Variants in GNA15 observed in about 807,000 individuals in gnomAD.
GNA15 encodes the protein guanine nucleotide-binding protein subunit alpha-15.
GNA15 carries 23 observed loss-of-function variants against 40.1 expected under a neutral mutation model. That is an observed-to-expected ratio of 0.57 (90% CI 0.41 to 0.81). The LOEUF is 0.81. Ranked by LOEUF, GNA15 falls within the 40% of genes least tolerant of loss-of-function variation. The pLI, the probability that GNA15 is intolerant of heterozygous loss-of-function variation, is 0.00. For synonymous variants in GNA15, 226 were observed against 210.4 expected (o/e 1.07, Z -0.64); for missense variants, 522 against 515.8 (o/e 1.01, Z -0.12).
chr19:3,153,805 GATGA>G (rs1009640568), intron 4 of GNA15, among the ~76,000 whole-genome samples: 50 of 150,706 alleles, frequency 3.3e-4, no homozygotes, highest in Admixed American at 1.5e-3. Context: ...GCAGGTGATG[GATGA>G]ATGAATGAAT....
chr19:3,154,044 G>T (rs2144857606), intron 4 of GNA15, among the ~76,000 whole-genome samples: 1 of 149,942 alleles, frequency 6.7e-6, no homozygotes, highest in African/African-American at 2.4e-5. Flanking sequence ...TGAGTAAATG[G>T]GTGGACAGGC....
chr19:3,160,594 G>A (rs1294529072), intron 6 of GNA15, among the ~76,000 whole-genome samples: 1 of 152,216 alleles, frequency 6.6e-6, no homozygotes, highest in Non-Finnish European at 1.5e-5. Flanking sequence ...AGGGAGGGAA[G>A]GAAGTGACGG....
At chr19:3,162,318 T>C (rs956147684) in intron 6 of GNA15, among the ~76,000 whole-genome samples, 1 of 151,310 alleles carries the variant, frequency 6.6e-6, no homozygotes, top group African/African-American at 2.4e-5. Flanking sequence ...CAGGCGCCTG[T>C]AATCCCAGCT....
rs1450967085 is a variant in GNA15 at position 3,163,055 on chromosome 19, C to G, written c.*36C>G. ...ACCTGGGGCAGGCGGCACCGGCGGG[C>G]GGGTGGGAGGTGGGAGTGGCTGCAG... On this transcript the variant is annotated 3_prime_UTR_variant, in exon 7 of 7. Coordinates refer to ENST00000262958, the MANE Select transcript of GNA15 (RefSeq NM_002068.4). 7.0e-7 allele frequency: 1 copy of G among 1,428,060 alleles called. No homozygotes were observed. The highest frequency in any genetic ancestry group is 1.7e-5 in the Admixed American group (1 of 59,478). The allele number at this position is 1,428,060 out of a possible 1,614,324, so 88.5% of individuals were successfully genotyped here.
chr19:3,153,708 A>T (rs1013628849), intron 4 of GNA15, among the ~76,000 whole-genome samples: 1 of 143,100 alleles, frequency 7.0e-6, no homozygotes, highest in African/African-American at 2.7e-5. Flanking sequence ...GGTGGGATGG[A>T]TGAATGGATG....
Position 3,155,352 on chromosome 19 carries a change from C to T in GNA15, c.615-471C>T, listed in dbSNP as rs1914986440. Among the ~76,000 whole-genome samples the T allele has an allele frequency of 6.6e-6, 1 of 152,138 alleles. No homozygotes were observed. The highest frequency in any genetic ancestry group is 1.5e-5 in the Non-Finnish European group (1 of 68,008). ...TGTTACGGTGCGTGGGGCTGAGTCA[C>T]AGATGGAGGGGAGGACGTGTGCTCT... On this transcript the variant is annotated intron_variant, in intron 4 of 6. Transcript: ENST00000262958. The surrounding 1 kb of genome is among the most constrained non-coding windows in gnomAD (Gnocchi z 5.6).
chr19:3,139,726 C>T (rs1023198621), intron 1 of GNA15, among the ~76,000 whole-genome samples: 2 of 151,882 alleles, frequency 1.3e-5, no homozygotes, highest in Admixed American at 6.6e-5. Context: ...GATGAAACCC[C>T]GTCTCTACTA....
rs774983093 is a variant in GNA15 at position 3,157,874 on chromosome 19, T to C, written c.891T>C (p.Ser297=). ...PTSHLATYFP[S]FQGPKQDAEA... is the part of the protein sequence containing the mutation. ...CCCACCTGGCTACCTATTTCCCCAG[T>C]TTCCAGGGTAAGTAATTCTAGAACT... Residue 297 remains serine, a synonymous_variant, in exon 6 of 7, where the codon AGT becomes AGC. Coordinates refer to ENST00000262958, the MANE Select transcript of GNA15 (RefSeq NM_002068.4). 7.4e-6 allele frequency: 12 copies of C among 1,612,900 alleles called. No individual in the cohort carries two copies. In the South Asian group the frequency reaches 1.2e-4, roughly 16 times the overall value.
intron 1 of GNA15, among the ~76,000 whole-genome samples, chr19:3,144,686 G>T (rs887136761): frequency 2.0e-5 from 3 of 151,088 alleles, no homozygotes; most frequent in Non-Finnish European, 4.4e-5. Context: ...CCGCCACCAT[G>T]CCCGGTTAAT....
At chr19:3,148,377 C>T (rs1334244715) in intron 1 of GNA15, among the ~76,000 whole-genome samples, 1 of 152,158 alleles carries the variant, frequency 6.6e-6, no homozygotes, top group Non-Finnish European at 1.5e-5. Context: ...CATGAGCCAC[C>T]GTGCCCAGCC....
Position 3,136,771 on chromosome 19 carries a change from T to C in GNA15, c.145+176T>C, listed in dbSNP as rs411453. Among the ~76,000 whole-genome samples the C allele has an allele frequency of 0.6, 91,611 of 152,032 alleles. 27,689 individuals carry two copies. Among genetic ancestry groups the C allele is most frequent in the Admixed American group, 0.67 (10,251 of 15,296 alleles). On this transcript the variant is annotated intron_variant, in intron 1 of 6. Transcript: ENST00000262958. This position sits in a 1 kb window ranked among gnomAD's most constrained non-coding sequence, Gnocchi z 4.9. ...ATTTTCCAGATGAGAAAGACTGAGG[T>C]TCAGAGAAGCCAAGTTCCTTGTCCA...
At chr19:3,139,894 C>T (rs1238294743) in intron 1 of GNA15, among the ~76,000 whole-genome samples, 2 of 151,848 alleles carry the variant, frequency 1.3e-5, no homozygotes, top group South Asian at 2.1e-4. Flanking sequence ...ATTAGCCAGG[C>T]GTGGTGGTGC....
At chr19:3,156,476 ACG>A (rs929747283) in intron 5 of GNA15, among the ~76,000 whole-genome samples, 62 of 151,206 alleles carry the variant, frequency 4.1e-4, no homozygotes, top group African/African-American at 1.3e-3. Context: ...AGGCACACAC[ACG>A]CACACACAGG....
intron 6 of GNA15, among the ~76,000 whole-genome samples, chr19:3,160,580 A>G (rs1220562959): frequency 6.6e-6 from 1 of 152,236 alleles, no homozygotes; most frequent in Non-Finnish European, 1.5e-5. Context: ...TGACACATGC[A>G]TACAGGGAGG....
intron 5 of GNA15, among the ~76,000 whole-genome samples, chr19:3,157,322 C>A (rs1244220248): frequency 2.0e-5 from 3 of 152,152 alleles, no homozygotes; most frequent in Admixed American, 2.0e-4. Context: ...CTTATGAGGA[C>A]AGCAGTCACG....
At chr19:3,148,953 A>G (rs892109369) in intron 2 of GNA15, 178 bp downstream of exon 2, 4 of 608,350 alleles carry the variant, frequency 6.6e-6, no homozygotes, top group Non-Finnish European at 1.2e-5. Context: ...ATATGTGCAT[A>G]CATACAAGTG....
In GNA15 at chr19:3,151,297, C is replaced by A. The variant is rs1914876660; in HGVS notation, c.486-410C>A. Among the ~76,000 whole-genome samples, 1 of 152,062 alleles carries A rather than the reference C, an allele frequency of 6.6e-6. No individual in the cohort carries two copies. The highest frequency in any genetic ancestry group is 2.4e-5 in the African/African-American group (1 of 41,394). On this transcript the variant is annotated intron_variant, in intron 3 of 6. Coordinates refer to ENST00000262958, the MANE Select transcript of GNA15 (RefSeq NM_002068.4). This position sits in a 1 kb window ranked among gnomAD's most constrained non-coding sequence, Gnocchi z 5.0. The stretch of plus-strand genomic sequence containing the variant: ...AGGGGGGACTCTGTTCCAGGGGAGA[C>A]CCTGTTCTGGGGGTGACCCTATTCC...
In GNA15 at chr19:3,148,675, G is replaced by A. The variant is rs1914793905; in HGVS notation, c.230G>A (p.Gly77Asp). The stretch of plus-strand genomic sequence containing the variant: ...GGCTACTCGGAGGAGGAGCGCAAGG[G>A]CTTCCGGCCCCTGGTCTACCAGAAC... The part of the protein sequence containing the change: ...GAGYSEEERK[G>D]FRPLVYQNIF... Residue 77 changes from glycine to aspartate, a missense_variant, in exon 2 of 7, where the codon GGC becomes GAC. By Grantham distance (94) the Gly-to-Asp change is moderately conservative. Transcript: ENST00000262958. The A allele has an allele frequency of 1.3e-6, 2 of 1,594,826 alleles. No homozygotes were observed. Among genetic ancestry groups the A allele is most frequent in the Non-Finnish European group, 1.7e-6 (2 of 1,171,048 alleles).
At chr19:3,148,842 G>A (rs1270619476) in intron 2 of GNA15, 67 bp downstream of exon 2, 7 of 1,452,390 alleles carry the variant, frequency 4.8e-6, no homozygotes, top group Admixed American at 2.3e-5. Flanking sequence ...CCCAGACCCC[G>A]GAGCAGGGCC....
Sources: allele counts gnomAD v4.1 joint callset (sites outside exome capture counted in the v4.1 genomes callset), GRCh38; gene constraint gnomAD v4.1.1; non-coding constraint Gnocchi (gnomAD v3.1); transcripts MANE v1.5; gene names NCBI Gene and HGNC (gene_info 2026-07-23, HGNC 2026-07-21).